Variants in ANKRD46 observed in about 807,000 individuals in gnomAD.
ANKRD46 encodes ankyrin repeat domain 46.
ANKRD46 carries 13 observed loss-of-function variants against 19.8 expected under a neutral mutation model. That is an observed-to-expected ratio of 0.66 (90% confidence interval 0.43 to 1.04). The LOEUF is 1.04. Among genes scored for constraint, ANKRD46 ranks in the 50% least tolerant of loss-of-function variants. The pLI, the probability that ANKRD46 is intolerant of heterozygous loss-of-function variation, is 0.00. For synonymous variants in ANKRD46, 91 were observed against 106.9 expected, an observed-to-expected ratio of 0.85 and a Z score of 0.92; for missense variants, 185 against 274.8, an observed-to-expected ratio of 0.67 and a Z score of 2.31.
chr8:100,512,989 G>A (rs1811570812), intron 5 of ANKRD46, among the ~76,000 whole-genome samples: 1 of 152,210 alleles, frequency 6.6e-6, no homozygotes, highest in Non-Finnish European at 1.5e-5. Context: ...GAGACTGCTA[G>A]AGTTCCTGAG....
intron 4 of ANKRD46, among the ~76,000 whole-genome samples, chr8:100,526,119 A>T (rs1811836277): frequency 1.3e-5 from 2 of 152,360 alleles, no homozygotes; most frequent in East Asian, 1.9e-4. Flanking sequence ...AGCTTTATAC[A>T]GTGTTACAAT....
In ANKRD46 at chr8:100,522,236, T is replaced by C. The variant is rs1437132663; in HGVS notation, c.*319A>G. 2.2e-5 allele frequency: 24 copies of C among 1,110,452 alleles called. No homozygotes were observed. Among genetic ancestry groups the C allele is most frequent in the South Asian group, 3.1e-5 (1 of 32,310 alleles). The allele number at this position is 1,110,452 out of a possible 1,614,324, so 68.8% of individuals were successfully genotyped here. ...GTCCTATATTAGGATAAGGTTTTGA[T>C]AGCAAGGACTTCCTAGCTTCTTCCT... On this transcript the variant is annotated 3_prime_UTR_variant, in exon 5 of 5. Coordinates refer to ENST00000335659, the MANE Select transcript of ANKRD46 (RefSeq NM_001270377.2).
intron 1 of ANKRD46, chr8:100,551,834 G>A (rs1255057634): frequency 1.3e-5 from 5 of 376,586 alleles, no homozygotes; most frequent in Non-Finnish European, 2.5e-5. Flanking sequence ...TTGGATAACA[G>A]TCTTCATCAT....
chr8:100,552,193 A>C (rs935311344), intron 1 of ANKRD46, among the ~76,000 whole-genome samples: 1 of 151,632 alleles, frequency 6.6e-6, no homozygotes, highest in Non-Finnish European at 1.5e-5. Context: ...TTAATGTCTA[A>C]GTATTCAGTG....
At position 100,545,627 on chromosome 8, in the gene ANKRD46, G is replaced by T. The variant is rs1199037989; in HGVS notation, c.-130-12316C>A. ...ACAGAGAATTAGTACCAGGAGTAGG[G>T]CACTGCTATAAAAATAACCTGAAAA... On this transcript the variant is annotated intron_variant, in intron 1 of 4. Coordinates refer to ENST00000335659, the MANE Select transcript of ANKRD46 (RefSeq NM_001270377.2). This position sits in a 1 kb window ranked among gnomAD's most constrained non-coding sequence, Gnocchi z 4.7. Among the ~76,000 whole-genome samples the T allele has an allele frequency of 6.6e-6, 1 of 152,172 alleles. No individual in the cohort carries two copies.
rs1811988326 is a variant in ANKRD46, at chr8:100,532,606, T to C, written c.-28+603A>G. The C allele has an allele frequency of 6.6e-6, 1 of 152,220 alleles. No homozygotes were observed. Among genetic ancestry groups the C allele is most frequent in the Non-Finnish European group, 1.5e-5 (1 of 68,044 alleles). 9.4% of individuals were successfully genotyped at this position (152,220 alleles called of 1,614,324 possible). A position where few individuals can be genotyped will look rare whatever the true frequency, so the allele number is the denominator to read the frequency against. On this transcript the variant is annotated intron_variant, in intron 2 of 4. Coordinates refer to ENST00000335659, the MANE Select transcript of ANKRD46 (RefSeq NM_001270377.2). This position sits in a 1 kb window ranked among gnomAD's most constrained non-coding sequence, Gnocchi z 4.7. ...TCCCTTACAGCAAGGGTGTCCAACA[T>C]TTCGGCTTCCCTGGGTCACAATGGA...
intron 1 of ANKRD46, among the ~76,000 whole-genome samples, chr8:100,555,570 C>T (rs1812479668): frequency 6.7e-6 from 1 of 149,360 alleles, no homozygotes; most frequent in Non-Finnish European, 1.5e-5. Flanking sequence ...GATGGAAGGG[C>T]CTAACTTAAG....
rs377190416 is a variant in ANKRD46 at position 100,511,794 on chromosome 8, C to T, written c.637-1155G>A. ...ATCCCAGCACTTTGGGAGGTCAATG[C>T]GGGCAGATCACTTGAGGTCAGGAGT... On this transcript the variant is annotated intron_variant, in intron 5 of 5. Coordinates refer to the ANKRD46 transcript ENST00000520552. This position sits in a 1 kb window ranked among gnomAD's most constrained non-coding sequence, Gnocchi z 4.1. 8.5e-5 allele frequency among the ~76,000 whole-genome samples: 13 copies of T among 152,262 alleles called. No individual in the cohort carries two copies. Among genetic ancestry groups the T allele is most frequent in the Admixed American group, 4.6e-4 (7 of 15,300 alleles).
chr8:100,534,845 C>T lies in ANKRD46; in HGVS notation c.-130-1534G>A, dbSNP rs1024396971. ...AGTGCAGTGGTGCAATCTCGACTCA[C>T]CTGCAGAGGCCTCCGCGTTCAAGCA... is the stretch of plus-strand genomic sequence containing the variant. On this transcript the variant is annotated intron_variant, in intron 1 of 4. Transcript: ENST00000335659. This position sits in a 1 kb window ranked among gnomAD's most constrained non-coding sequence, Gnocchi z 4.2. Among the ~76,000 whole-genome samples the T allele has an allele frequency of 1.3e-5, 2 of 152,204 alleles. No homozygotes were observed. The highest frequency in any genetic ancestry group is 4.8e-5 in the African/African-American group (2 of 41,450).
rs561289015 is a variant in ANKRD46, at chr8:100,536,658, G to A, written c.-130-3347C>T. On this transcript the variant is annotated intron_variant, in intron 1 of 4. Transcript: ENST00000335659. The surrounding 1 kb of genome is among the most constrained non-coding windows in gnomAD (Gnocchi z 4.9). ...AATAAAAGAACTGGTTCCTGGCAGAGGAAAAACCACATAGTCTAGTGCAAG... is the reference window on the plus strand; with the variant it reads ...AATAAAAGAACTGGTTCCTGGCAGAAGAAAAACCACATAGTCTAGTGCAAG... Among the ~76,000 whole-genome samples, 4 of 152,258 alleles carry A rather than the reference G, an allele frequency of 2.6e-5. No homozygotes were observed. In the South Asian group the frequency reaches 6.2e-4, roughly 24 times the overall value.
intron 5 of ANKRD46, among the ~76,000 whole-genome samples, chr8:100,512,511 TAAG>T (rs1313901815): frequency 6.6e-6 from 1 of 152,234 alleles, no homozygotes; most frequent in Non-Finnish European, 1.5e-5. Context: ...TTGAAGATTA[TAAG>T]AAGTTTAGTG....
In ANKRD46 at chr8:100,537,176, A is replaced by G. The variant is rs1812081147; in HGVS notation, c.-130-3865T>C. 6.6e-6 allele frequency among the ~76,000 whole-genome samples: 1 copy of G among 152,216 alleles called. No homozygotes were observed. Among genetic ancestry groups the G allele is most frequent in the Non-Finnish European group, 1.5e-5 (1 of 68,036 alleles). On this transcript the variant is annotated intron_variant, in intron 1 of 4. Coordinates refer to ENST00000335659, the MANE Select transcript of ANKRD46 (RefSeq NM_001270377.2). The surrounding 1 kb of genome is among the most constrained non-coding windows in gnomAD (Gnocchi z 4.2). ...GGTTAAGGACTAATGGAGAGAATATATATACTTATAACTAAAAATTGTTCT... is the reference window on the plus strand; with the variant it reads ...GGTTAAGGACTAATGGAGAGAATATGTATACTTATAACTAAAAATTGTTCT...
intron 1 of ANKRD46, among the ~76,000 whole-genome samples, chr8:100,541,185 G>T (rs904935607): frequency 6.6e-6 from 1 of 151,600 alleles, no homozygotes; most frequent in African/African-American, 2.4e-5. Context: ...GCAAAAATAT[G>T]ATTCCAGGCC....
At chr8:100,528,522 T>C (rs962873055) in intron 3 of ANKRD46, among the ~76,000 whole-genome samples, 6 of 150,842 alleles carry the variant, frequency 4.0e-5, no homozygotes, top group South Asian at 4.2e-4. Context: ...TTTTTCTTTT[T>C]TTTTTTTTTT....
intron 1 of ANKRD46, among the ~76,000 whole-genome samples, chr8:100,558,128 T>C (rs1563495621): frequency 6.6e-6 from 1 of 152,184 alleles, no homozygotes; most frequent in Non-Finnish European, 1.5e-5. Flanking sequence ...AAATCTATAA[T>C]AGGTAAGGCT....
rs1367588995 is a variant in ANKRD46, at chr8:100,522,379, T to C, written c.*176A>G. ...TAGGATGCAATATACTTGATCATAG[T>C]ATGTAGTTAGTTCAAATGAACACAT... On this transcript the variant is annotated 3_prime_UTR_variant, in exon 5 of 5. Coordinates refer to ENST00000335659, the MANE Select transcript of ANKRD46 (RefSeq NM_001270377.2). 1.4e-6 allele frequency: 2 copies of C among 1,427,260 alleles called. No individual in the cohort carries two copies. Among genetic ancestry groups the C allele is most frequent in the African/African-American group, 1.4e-5 (1 of 69,660 alleles). 88.4% of individuals were successfully genotyped at this position (1,427,260 alleles called of 1,614,324 possible).
chr8:100,545,622 G>A lies in ANKRD46; in HGVS notation c.-130-12311C>T, dbSNP rs893149367. ...CTAATACAGAGAATTAGTACCAGGA[G>A]TAGGGCACTGCTATAAAAATAACCT... is the stretch of plus-strand genomic sequence containing the variant. On this transcript the variant is annotated intron_variant, in intron 1 of 4. Coordinates refer to ENST00000335659, the MANE Select transcript of ANKRD46 (RefSeq NM_001270377.2). The surrounding 1 kb of genome is among the most constrained non-coding windows in gnomAD (Gnocchi z 4.7). Among the ~76,000 whole-genome samples the A allele has an allele frequency of 1.6e-4, 25 of 152,196 alleles. 1 individual carries two copies. Among genetic ancestry groups the A allele is most frequent in the African/African-American group, 6.0e-4 (25 of 41,444 alleles).
chr8:100,515,662 G>C (rs911867239), intron 5 of ANKRD46, among the ~76,000 whole-genome samples: 1 of 115,834 alleles, frequency 8.6e-6, no homozygotes. Flanking sequence ...GTGCGGGGGA[G>C]GGGGGGGGCG....
At chr8:100,515,625 T>C (rs1412493280) in intron 5 of ANKRD46, among the ~76,000 whole-genome samples, 2 of 150,592 alleles carry the variant, frequency 1.3e-5, no homozygotes, top group African/African-American at 4.9e-5. Flanking sequence ...ACTCTTGTAA[T>C]TTTAATATTT....
Sources: gnomAD v4.1 joint callset for allele counts (sites outside exome capture counted in the v4.1 genomes callset) on GRCh38, gnomAD v4.1.1 for gene constraint, Gnocchi (gnomAD v3.1) non-coding constraint, MANE v1.5 for transcripts, NCBI Gene and HGNC (gene_info 2026-07-23, HGNC 2026-07-21) for gene names.